Variants in KCNQ1OT1 observed in about 807,000 individuals in gnomAD.
KCNQ1OT1 encodes the protein KCNQ1 opposite strand/antisense transcript 1.
chr11:2,668,290 G>A lies in KCNQ1OT1; in HGVS notation n.31705C>T, dbSNP rs1279479749. On this transcript the variant is annotated non_coding_transcript_exon_variant, in exon 1 of 1. Transcript: ENST00000597346. This position sits in a 1 kb window ranked among gnomAD's most constrained non-coding sequence, Gnocchi z 4.3. Reference sequence around the variant, plus strand: ...AATATTCTGTACATGCTTTTGGTGAGCATCAGGTTGCGTTTCTGGGGAATA... The same window carrying A: ...AATATTCTGTACATGCTTTTGGTGAACATCAGGTTGCGTTTCTGGGGAATA... 5.0e-6 allele frequency: 2 copies of A among 398,528 alleles called. No individual in the cohort carries two copies. Among genetic ancestry groups the A allele is most frequent in the Non-Finnish European group, 8.8e-6 (2 of 226,104 alleles). The allele number at this position is 398,528 out of a possible 1,614,324, so 24.7% of individuals were successfully genotyped here.
At chr11:2,649,960 C>A in exon 1 of KCNQ1OT1, 1 of 398,480 alleles carries the variant, frequency 2.5e-6, no homozygotes, top group South Asian at 1.3e-4. Flanking sequence ...TCTCATATGT[C>A]ACGCAGGCAT....
exon 1 of KCNQ1OT1, chr11:2,637,026 G>A (rs974583474): frequency 6.6e-6 from 1 of 152,212 alleles, no homozygotes; most frequent in East Asian, 1.9e-4. Context: ...GGGATCGGTG[G>A]TGATATCCCC....
exon 1 of KCNQ1OT1, chr11:2,686,938 G>A (rs1850499748): frequency 5.0e-6 from 2 of 398,536 alleles, no homozygotes; most frequent in Middle Eastern, 6.2e-4. Flanking sequence ...TCCGTGATGC[G>A]GAGCATGCCC....
At chr11:2,688,515 G>C (rs1403686242) in exon 1 of KCNQ1OT1, 30 of 398,568 alleles carry the variant, frequency 7.5e-5, no homozygotes, top group Non-Finnish European at 5.3e-5. Context: ...ATGAGGTAGA[G>C]GTCACACAGC....
exon 1 of KCNQ1OT1, chr11:2,625,236 A>G (rs1849244223): frequency 2.5e-6 from 1 of 398,498 alleles, no homozygotes; most frequent in Admixed American, 4.4e-5. Flanking sequence ...CCCTTCCAGC[A>G]GTGGTTATTT....
In KCNQ1OT1 at chr11:2,670,153, C is replaced by T. The variant is rs911058044; in HGVS notation, n.29842G>A. The T allele has an allele frequency of 1.0e-5, 4 of 398,456 alleles. No homozygotes were observed. Among genetic ancestry groups the T allele is most frequent in the South Asian group, 1.3e-4 (1 of 7,816 alleles). The allele number at this position is 398,456 out of a possible 1,614,324, so 24.7% of individuals were successfully genotyped here. Reference sequence around the variant, plus strand: ...ATCTGTCATTTGTTCTTATCACTGTCGGGCCCATCTGCCAAGGCAAGCACC... The same window carrying T: ...ATCTGTCATTTGTTCTTATCACTGTTGGGCCCATCTGCCAAGGCAAGCACC... On this transcript the variant is annotated non_coding_transcript_exon_variant, in exon 1 of 1. Transcript: ENST00000597346. The surrounding 1 kb of genome is among the most constrained non-coding windows in gnomAD (Gnocchi z 4.9).
chr11:2,646,013 G>T (rs1849660057), exon 1 of KCNQ1OT1: 1 of 398,450 alleles, frequency 2.5e-6, no homozygotes, highest in Non-Finnish European at 4.4e-6. Flanking sequence ...GACCACTAGG[G>T]GCTCACTTAC....
exon 1 of KCNQ1OT1, chr11:2,616,119 A>G (rs1849059566): frequency 2.5e-6 from 1 of 397,706 alleles, no homozygotes. Context: ...TCTAGGTTAT[A>G]TAATTTGTTG....
chr11:2,695,155 G>A lies in KCNQ1OT1; in HGVS notation n.4840C>T. 2.5e-6 allele frequency: 1 copy of A among 398,616 alleles called. No homozygotes were observed. Among genetic ancestry groups the A allele is most frequent in the Non-Finnish European group, 4.4e-6 (1 of 226,090 alleles). The allele number at this position is 398,616 out of a possible 1,614,324, so 24.7% of individuals were successfully genotyped here. On this transcript the variant is annotated non_coding_transcript_exon_variant, in exon 1 of 1. Coordinates refer to ENST00000597346, the Ensembl canonical transcript of KCNQ1OT1. The surrounding 1 kb of genome is among the most constrained non-coding windows in gnomAD (Gnocchi z 5.2). Reference sequence around the variant, plus strand: ...TCATTCGTTGGTTCTTGGCTTTTGGGACTCTGCACAGAGTTGATCACAGCC... The same window carrying A: ...TCATTCGTTGGTTCTTGGCTTTTGGAACTCTGCACAGAGTTGATCACAGCC...
rs188675201 is a variant in KCNQ1OT1 at position 2,661,722 on chromosome 11, C to T, written n.38273G>A. 9.3e-5 allele frequency: 57 copies of T among 612,814 alleles called. No homozygotes were observed. In the East Asian group the frequency reaches 1.5e-3, roughly 16 times the overall value. The allele number at this position is 612,814 out of a possible 1,614,324, so 38.0% of individuals were successfully genotyped here. On this transcript the variant is annotated non_coding_transcript_exon_variant, in exon 1 of 1. Transcript: ENST00000597346. This position sits in a 1 kb window ranked among gnomAD's most constrained non-coding sequence, Gnocchi z 5.9. ...TGAGCACAGCCCCAGGCACAGTTACCACTCCGAAGATGATTCACTGGCCTT... is the reference window on the plus strand; with the variant it reads ...TGAGCACAGCCCCAGGCACAGTTACTACTCCGAAGATGATTCACTGGCCTT...
At chr11:2,640,496 G>T in exon 1 of KCNQ1OT1, 1 of 397,968 alleles carries the variant, frequency 2.5e-6, no homozygotes, top group South Asian at 1.3e-4. Flanking sequence ...TTGTTGCCCA[G>T]GCTGGTCTTG....
At chr11:2,639,180 A>C (rs1162093776) in exon 1 of KCNQ1OT1, 1 of 151,946 alleles carries the variant, frequency 6.6e-6, no homozygotes, top group African/African-American at 2.4e-5. Context: ...TAGCTCGGAG[A>C]AGTTTGATTG....
In KCNQ1OT1 at chr11:2,668,792, G is replaced by C. The variant is rs960738119; in HGVS notation, n.31203C>G. 1.5e-5 allele frequency: 6 copies of C among 398,552 alleles called. No homozygotes were observed. Among genetic ancestry groups the C allele is most frequent in the African/African-American group, 2.1e-5 (1 of 48,722 alleles). The allele number at this position is 398,552 out of a possible 1,614,324, so 24.7% of individuals were successfully genotyped here. A position where few individuals can be genotyped will look rare whatever the true frequency, so the allele number is the denominator to read the frequency against. On this transcript the variant is annotated non_coding_transcript_exon_variant, in exon 1 of 1. Transcript: ENST00000597346. This position sits in a 1 kb window ranked among gnomAD's most constrained non-coding sequence, Gnocchi z 4.3. ...GATGGTGTCTTTTGATGAACAGAAGGTCTTAATTTTCATGTGGTCCAGTTA... is the reference window on the plus strand; with the variant it reads ...GATGGTGTCTTTTGATGAACAGAAGCTCTTAATTTTCATGTGGTCCAGTTA...
At chr11:2,632,072 A>T (rs1452799559) in exon 1 of KCNQ1OT1, 1 of 395,336 alleles carries the variant, frequency 2.5e-6, no homozygotes, top group African/African-American at 2.1e-5. Flanking sequence ...AGTCCCAGCT[A>T]CTTGGGAGGC....
Position 2,695,855 on chromosome 11 carries a change from T to C in KCNQ1OT1, n.4140A>G, listed in dbSNP as rs1850667268. The C allele has an allele frequency of 5.0e-6, 2 of 398,528 alleles. No homozygotes were observed. 24.7% of individuals were successfully genotyped at this position (398,528 alleles called of 1,614,324 possible). ...ATAACTGATTAGCTTGGGCAAATTT[T>C]CATCTGTTTGTTAACCCTCCTGCAA... On this transcript the variant is annotated non_coding_transcript_exon_variant, in exon 1 of 1. Transcript: ENST00000597346. This position sits in a 1 kb window ranked among gnomAD's most constrained non-coding sequence, Gnocchi z 5.2.
chr11:2,670,482 G>C lies in KCNQ1OT1; in HGVS notation n.29513C>G. 1 of 397,598 alleles carries C rather than the reference G, an allele frequency of 2.5e-6. No homozygotes were observed. The highest frequency in any genetic ancestry group is 1.3e-4 in the South Asian group (1 of 7,766). 24.6% of individuals were successfully genotyped at this position (397,598 alleles called of 1,614,324 possible). ...CCACATCCTTGGTAGGTCCCTCAGA[G>C]AGCATCTAGTGGGCCTGTCCTCCCA... is the stretch of plus-strand genomic sequence containing the variant. On this transcript the variant is annotated non_coding_transcript_exon_variant, in exon 1 of 1. Coordinates refer to ENST00000597346, the Ensembl canonical transcript of KCNQ1OT1. The surrounding 1 kb of genome is among the most constrained non-coding windows in gnomAD (Gnocchi z 4.9).
rs897543229 is a variant in KCNQ1OT1, at chr11:2,658,143, C to G, written n.41852G>C. On this transcript the variant is annotated non_coding_transcript_exon_variant, in exon 1 of 1. Coordinates refer to ENST00000597346, the Ensembl canonical transcript of KCNQ1OT1. This position sits in a 1 kb window ranked among gnomAD's most constrained non-coding sequence, Gnocchi z 4.9. Reference sequence around the variant, plus strand: ...ATCTGCAAATATGTTAAAACTACCACAGCAATTAAAATACATTTCAAGGAA... The same window carrying G: ...ATCTGCAAATATGTTAAAACTACCAGAGCAATTAAAATACATTTCAAGGAA... 17 of 398,474 alleles carry G rather than the reference C, an allele frequency of 4.3e-5. No individual in the cohort carries two copies. The highest frequency in any genetic ancestry group is 2.9e-4 in the African/African-American group (14 of 48,628). 24.7% of individuals were successfully genotyped at this position (398,474 alleles called of 1,614,324 possible).
At chr11:2,693,889 C>T (rs1324260251) in exon 1 of KCNQ1OT1, 2 of 398,784 alleles carry the variant, frequency 5.0e-6, no homozygotes, top group Admixed American at 4.4e-5. Flanking sequence ...AAACCCTACT[C>T]GTCCTCCTCC....
rs906960803 is a variant in KCNQ1OT1 at position 2,645,248 on chromosome 11, TGTG to T, written n.54744_54746del. The T allele has an allele frequency of 2.0e-5, 8 of 398,640 alleles. No homozygotes were observed. In the South Asian group the frequency reaches 5.1e-4, roughly 25 times the overall value. The allele number at this position is 398,640 out of a possible 1,614,324, so 24.7% of individuals were successfully genotyped here. A position where few individuals can be genotyped will look rare whatever the true frequency, so the allele number is the denominator to read the frequency against. On this transcript the variant is annotated non_coding_transcript_exon_variant, in exon 1 of 1. Transcript: ENST00000597346. The surrounding 1 kb of genome is among the most constrained non-coding windows in gnomAD (Gnocchi z 5.8). ...GTGGCAAATTCAAGTGAATGCCAGT[TGTG>T]GTGGTAATGGTCAGTTGGGTAGGGC...
Sources: allele counts gnomAD v4.1 joint callset, GRCh38; gene constraint gnomAD v4.1.1; non-coding constraint Gnocchi (gnomAD v3.1); transcripts MANE v1.5; gene names NCBI Gene and HGNC (gene_info 2026-07-23, HGNC 2026-07-21).